The following CCDC88C variants were observed in gnomAD, a reference collection of about 807,000 sequenced individuals.
CCDC88C encodes protein Daple.
CCDC88C carries 131 observed loss-of-function variants against 198.8 expected under a neutral mutation model. The observed-to-expected ratio is 0.66, with a 90% CI of 0.57 to 0.76. CCDC88C has a LOEUF of 0.76. Among genes scored for constraint, CCDC88C ranks in the 30% least tolerant of loss-of-function variants. CCDC88C has a pLI of 0.00. For missense variants in CCDC88C, 2,553 were observed against 2,631.6 expected, an observed-to-expected ratio of 0.97 and a Z score of 0.65; for synonymous variants, 1,166 against 1,114.7, an observed-to-expected ratio of 1.05 and a Z score of -0.92.
intron 4 of CCDC88C, 21 bp downstream of exon 4, chr14:91,359,620 GA>G: frequency 6.3e-7 from 1 of 1,593,148 alleles, no homozygotes; most frequent in South Asian, 1.1e-5. Flanking sequence ...CCACAGGGGA[GA>G]AGGGAGCGGC....
At position 91,370,275 on chromosome 14, in the gene CCDC88C, GAA is replaced by G. The variant is rs564220332; in HGVS notation, c.271-10566_271-10565del. Among the ~76,000 whole-genome samples the G allele has an allele frequency of 1.2e-3, 182 of 152,324 alleles. 2 individuals are homozygous for G. Among genetic ancestry groups the G allele is most frequent in the African/African-American group, 4.3e-3 (177 of 41,574 alleles). ...TTCAGAAGGGGGAAGGGAGGGGCTG[GAA>G]AAAGAGACGCTGCTGGCAAGAGAGG... On this transcript the variant is annotated intron_variant, in intron 3 of 29. Transcript: ENST00000389857.
intron 3 of CCDC88C, among the ~76,000 whole-genome samples, chr14:91,395,911 C>T (rs143788606): frequency 2.6e-5 from 4 of 152,216 alleles, no homozygotes; most frequent in Non-Finnish European, 5.9e-5. Flanking sequence ...CTGCCTCCCC[C>T]CTAAATACCA....
chr14:91,365,787 G>A (rs1397055504), intron 3 of CCDC88C, among the ~76,000 whole-genome samples: 1 of 152,146 alleles, frequency 6.6e-6, no homozygotes, highest in Non-Finnish European at 1.5e-5. Context: ...AAGGAAGCAT[G>A]AAAGAGGTGT....
rs527683654 is a variant in CCDC88C at position 91,313,833 on chromosome 14, G to A, written c.1983C>T (p.Val661=). Residue 661 remains valine (V), a synonymous_variant, in exon 15 of 30, where the codon GTC becomes GTT. Coordinates refer to ENST00000389857, the MANE Select transcript of CCDC88C (RefSeq NM_001080414.4). The surrounding 1 kb of genome is among the most constrained non-coding windows in gnomAD (Gnocchi z 5.2). ...VTSLETATEK[V]EALEHESQGL... is the part of the protein sequence containing the mutation. The stretch of plus-strand genomic sequence containing the variant: ...CCTGGCTCTCATGCTCCAGGGCCTC[G>A]ACTTTCTCGGTGGCTGTCTCCAGGG... 8.1e-6 allele frequency: 13 copies of A among 1,603,666 alleles called. No homozygotes were observed. Among genetic ancestry groups the A allele is most frequent in the East Asian group, 6.7e-5 (3 of 44,724 alleles).
intron 3 of CCDC88C, among the ~76,000 whole-genome samples, chr14:91,383,342 AG>A (rs1261807827): frequency 1.3e-5 from 2 of 152,198 alleles, no homozygotes; most frequent in East Asian, 3.9e-4. Flanking sequence ...CAGGAATCTC[AG>A]GGGGCCATGA....
At chr14:91,357,341 T>C (rs1221208276) in intron 4 of CCDC88C, among the ~76,000 whole-genome samples, 3 of 152,270 alleles carry the variant, frequency 2.0e-5, no homozygotes, top group Non-Finnish European at 4.4e-5. Context: ...AGCCTCGACC[T>C]CCTGGGCTTA....
At chr14:91,349,894 G>A (rs1893708789) in intron 4 of CCDC88C, among the ~76,000 whole-genome samples, 1 of 152,182 alleles carries the variant, frequency 6.6e-6, no homozygotes, top group African/African-American at 2.4e-5. Flanking sequence ...CCTCTAAAAT[G>A]TGCATTATAT....
intron 22 of CCDC88C, 140 bp from the exon 23 acceptor site, chr14:91,294,458 G>T: frequency 1.1e-6 from 1 of 917,468 alleles, no homozygotes. Flanking sequence ...ACTTGGAAAG[G>T]GCCAAACGGC....
At chr14:91,377,090 AC>A (rs988608232) in intron 3 of CCDC88C, among the ~76,000 whole-genome samples, 2 of 151,850 alleles carry the variant, frequency 1.3e-5, no homozygotes, top group African/African-American at 4.8e-5. Flanking sequence ...AGAAACAGAA[AC>A]CATGAAAAAG....
At chr14:91,291,191 T>C in intron 23 of CCDC88C, 107 bp from the exon 24 acceptor site, 2 of 682,600 alleles carry the variant, frequency 2.9e-6, no homozygotes, top group South Asian at 3.5e-5. Flanking sequence ...CTGGTATTTT[T>C]CCAGGATTGA....
intron 22 of CCDC88C, among the ~76,000 whole-genome samples, chr14:91,297,035 T>A (rs1376123623): frequency 6.6e-6 from 1 of 152,196 alleles, no homozygotes; most frequent in Non-Finnish European, 1.5e-5. Flanking sequence ...AGGATCGAGA[T>A]AAAACATCAT....
intron 15 of CCDC88C, among the ~76,000 whole-genome samples, chr14:91,312,706 A>G (rs1339532626): frequency 6.6e-6 from 1 of 152,086 alleles, no homozygotes; most frequent in Non-Finnish European, 1.5e-5. Flanking sequence ...TAAATACATA[A>G]ACAAACAAAC....
At chr14:91,356,522 C>G (rs1342200178) in intron 4 of CCDC88C, among the ~76,000 whole-genome samples, 1 of 152,120 alleles carries the variant, frequency 6.6e-6, no homozygotes, top group Non-Finnish European at 1.5e-5. Context: ...CACGGGGGCC[C>G]CAGGGACATT....
chr14:91,315,815 G>A (rs755806142), intron 13 of CCDC88C, 28 bp from the exon 14 acceptor site: 10 of 1,604,158 alleles, frequency 6.2e-6, no homozygotes, highest in Non-Finnish European at 8.5e-6. Flanking sequence ...CCAGCCCAGT[G>A]CAGACATCAG....
chr14:91,348,194 T>C lies in CCDC88C; in HGVS notation c.341-4537A>G, dbSNP rs530687368. Among the ~76,000 whole-genome samples, 52 of 151,936 alleles carry C rather than the reference T, an allele frequency of 3.4e-4. 1 individual carries two copies. Among genetic ancestry groups the C allele is most frequent in the Non-Finnish European group, 7.2e-4 (49 of 67,982 alleles). ...CCAATTTTTGTATTTTCATTAGAGA[T>C]GGGGTTTCACCATGTTGGCCAGGCT... On this transcript the variant is annotated intron_variant, in intron 4 of 29. Transcript: ENST00000389857.
intron 4 of CCDC88C, among the ~76,000 whole-genome samples, chr14:91,344,483 A>C (rs2139871251): frequency 6.6e-6 from 1 of 152,024 alleles, no homozygotes; most frequent in East Asian, 1.9e-4. Context: ...GAGTATTCTA[A>C]AGTAAATTCT....
At chr14:91,394,657 CAG>C (rs1885728999) in intron 3 of CCDC88C, among the ~76,000 whole-genome samples, 2 of 152,306 alleles carry the variant, frequency 1.3e-5, no homozygotes, top group East Asian at 1.9e-4. Context: ...GACAGACAAA[CAG>C]AAAGATTCAG....
At chr14:91,342,967 CTTTA>C (rs1457744814) in intron 5 of CCDC88C, among the ~76,000 whole-genome samples, 2 of 152,158 alleles carry the variant, frequency 1.3e-5, no homozygotes, top group Non-Finnish European at 2.9e-5. Context: ...TCCAATAAAA[CTTTA>C]TTTGAGAGAG....
At chr14:91,369,210 GAC>G (rs1894671650) in intron 3 of CCDC88C, among the ~76,000 whole-genome samples, 1 of 152,070 alleles carries the variant, frequency 6.6e-6, no homozygotes, top group Admixed American at 6.5e-5. Flanking sequence ...AACGACTCAC[GAC>G]ACAGCCTGTG....
Sources: allele counts gnomAD v4.1 joint callset (sites outside exome capture counted in the v4.1 genomes callset), GRCh38; gene constraint gnomAD v4.1.1; non-coding constraint Gnocchi (gnomAD v3.1); transcripts MANE v1.5; gene names NCBI Gene and HGNC (gene_info 2026-07-23, HGNC 2026-07-21).